Variants in RTCA observed in about 807,000 individuals in gnomAD.
RTCA encodes the protein RNA terminal phosphate cyclase domain 1.
Under a neutral mutation model 46.1 loss-of-function variants are expected in RTCA, and 37 were observed. The observed-to-expected ratio is 0.80, with a 90% CI of 0.62 to 1.06. RTCA has a LOEUF of 1.06. RTCA is among the 50% of genes least tolerant of loss of function. The probability of loss-of-function intolerance (pLI) is 0.00; values close to 1 mark genes in which losing one functional copy is unlikely to be tolerated. For synonymous variants in RTCA, 164 were observed against 158.3 expected (o/e 1.04, Z -0.27); for missense variants, 435 against 455.5 (o/e 0.95, Z 0.41).
chr1:100,267,651 GTTTTTT>G (rs60634058), intron 2 of RTCA: 43 of 811,518 alleles, frequency 5.3e-5, no homozygotes, highest in Non-Finnish European at 7.2e-5. Flanking sequence ...GTATGTTCTA[GTTTTTT>G]TTTTTTTTAT....
intron 3 of RTCA, 150 bp downstream of exon 3, chr1:100,268,445 G>T: frequency 1.5e-6 from 1 of 656,278 alleles, no homozygotes; most frequent in Non-Finnish European, 2.5e-6. Flanking sequence ...GCCCAGGCGG[G>T]GGTGCAGTGG....
intron 8 of RTCA, 100 bp from the exon 9 acceptor site, chr1:100,285,128 T>C (rs1467061144): frequency 8.3e-6 from 7 of 845,394 alleles, no homozygotes; most frequent in Non-Finnish European, 1.4e-5. Context: ...CTAAAAATTG[T>C]ATACCAGTGC....
At chr1:100,288,235 TCTC>T (rs778071497) in intron 10 of RTCA, among the ~76,000 whole-genome samples, 5 of 152,310 alleles carry the variant, frequency 3.3e-5, no homozygotes, top group Non-Finnish European at 5.9e-5. Flanking sequence ...GTTTTCCTCT[TCTC>T]CTAAATCGTT....
intron 2 of RTCA, chr1:100,267,941 A>C (rs1216851886): frequency 1.7e-6 from 1 of 596,640 alleles, no homozygotes; most frequent in Non-Finnish European, 2.9e-6. Flanking sequence ...GTCAGAAATA[A>C]CTGGTCTGCA....
intron 10 of RTCA, among the ~76,000 whole-genome samples, chr1:100,289,062 G>A (rs933258254): frequency 5.9e-5 from 9 of 151,666 alleles, no homozygotes; most frequent in African/African-American, 1.9e-4. Flanking sequence ...GGCCTTACGC[G>A]ATCTGCCTGC....
intron 3 of RTCA, among the ~76,000 whole-genome samples, chr1:100,269,417 G>C (rs1400661716): frequency 6.7e-6 from 1 of 148,414 alleles, no homozygotes; most frequent in African/African-American, 2.5e-5. Context: ...CATGATCATG[G>C]CTCACTGTAG....
rs779795748 is a variant in RTCA, at chr1:100,274,942, G to A, written c.592G>A (p.Val198Ile). The part of the protein sequence containing the change: ...CVTKIYGRAF[V>I]AGVLPFKVAK... ...GACTAAGATATATGGAAGAGCTTTC[G>A]TTGCTGGTGTTTTGCCATTTAAAGT... is the stretch of plus-strand genomic sequence containing the variant. Residue 198 changes from valine to isoleucine, a missense_variant, in exon 6 of 11, where the codon GTT (valine) becomes ATT (isoleucine). Val to Ile is a conservative substitution (Grantham distance 29). Coordinates refer to ENST00000370128, the MANE Select transcript of RTCA (RefSeq NM_003729.4). The A allele has an allele frequency of 1.1e-5, 18 of 1,608,158 alleles. No individual in the cohort carries two copies. Among genetic ancestry groups the A allele is most frequent in the African/African-American group, 9.4e-5 (7 of 74,856 alleles).
intron 3 of RTCA, among the ~76,000 whole-genome samples, chr1:100,268,843 T>C (rs903488816): frequency 6.6e-6 from 1 of 152,122 alleles, no homozygotes; most frequent in African/African-American, 2.4e-5. Context: ...AAACTACTTA[T>C]GAATATGATT....
chr1:100,283,813 C>T (rs747279312), intron 8 of RTCA, among the ~76,000 whole-genome samples: 3 of 148,516 alleles, frequency 2.0e-5, no homozygotes, highest in Non-Finnish European at 3.0e-5. Context: ...AGTTTCTGGG[C>T]ATGATGGCTC....
chr1:100,284,745 CT>C lies in RTCA; in HGVS notation c.800-479del, dbSNP rs1302049797. ...CTGCAGACTAATTGTAACACGCATGCTTTTCTAGGATTTGGGAGGGGAATTT... is the reference window on the plus strand; with the variant it reads ...CTGCAGACTAATTGTAACACGCATGCTTTCTAGGATTTGGGAGGGGAATTT... On this transcript the variant is annotated intron_variant, in intron 8 of 10. Transcript: ENST00000370128. 3.9e-5 allele frequency among the ~76,000 whole-genome samples: 6 copies of C among 152,130 alleles called. No individual in the cohort carries two copies. The East Asian group carries it at 1.2e-3, about 29-fold the overall frequency.
In RTCA at chr1:100,266,226, G is replaced by T. The variant is rs1557970871; in HGVS notation, c.-150G>T. ...GTTTCTGCTGACTCCAGTGTCCCGA[G>T]AGGCGCCGCTTCTTCCGCTTTCTCG... On this transcript the variant is annotated 5_prime_UTR_variant, in exon 1 of 11. Transcript: ENST00000370128. The T allele has an allele frequency of 1.1e-6, 1 of 903,920 alleles. No individual in the cohort carries two copies. Among genetic ancestry groups the T allele is most frequent in the Non-Finnish European group, 1.7e-6 (1 of 602,892 alleles). 56.0% of individuals were successfully genotyped at this position (903,920 alleles called of 1,614,324 possible). A position where few individuals can be genotyped will look rare whatever the true frequency, so the allele number is the denominator to read the frequency against.
intron 10 of RTCA, among the ~76,000 whole-genome samples, 182 bp from the exon 11 acceptor site, chr1:100,291,221 A>G (rs529376003): frequency 1.5e-3 from 223 of 152,294 alleles, no homozygotes; most frequent in Middle Eastern, 3.4e-3. Flanking sequence ...ATGGTTGTAC[A>G]ATGAAATGTG....
intron 4 of RTCA, among the ~76,000 whole-genome samples, chr1:100,273,167 G>A (rs59491881): frequency 0.029 from 4,431 of 151,970 alleles, 210 homozygotes; most frequent in African/African-American, 0.1. Flanking sequence ...AATTTTTTTC[G>A]TTAGATAGAC....
Position 100,292,540 on chromosome 1 carries a change from A to G in RTCA, c.*1036A>G, listed in dbSNP as rs1275537490. On this transcript the variant is annotated 3_prime_UTR_variant, in exon 11 of 11. Coordinates refer to ENST00000370128, the MANE Select transcript of RTCA (RefSeq NM_003729.4). ...ATGGTCTCCATCTCCTGACCTCGTG[A>G]TCCGCCCACCTTGGCCTCCCAAAGT... The G allele has an allele frequency of 6.6e-6, 1 of 152,028 alleles. No individual in the cohort carries two copies. Among genetic ancestry groups the G allele is most frequent in the Non-Finnish European group, 1.5e-5 (1 of 68,022 alleles). 9.4% of individuals were successfully genotyped at this position (152,028 alleles called of 1,614,324 possible). A position where few individuals can be genotyped will look rare whatever the true frequency, so the allele number is the denominator to read the frequency against.
intron 9 of RTCA, among the ~76,000 whole-genome samples, chr1:100,286,403 C>T (rs895597239): frequency 1.5e-5 from 2 of 133,902 alleles, no homozygotes; most frequent in Admixed American, 8.7e-5. Flanking sequence ...TGCAGTGAGC[C>T]GAGAATGCGC....
At position 100,266,543 on chromosome 1, in the gene RTCA, T is replaced by C; in HGVS notation, c.65T>C (p.Val22Ala). 1 of 1,613,434 alleles carries C rather than the reference T, an allele frequency of 6.2e-7. No individual in the cohort carries two copies. The highest frequency in any genetic ancestry group is 8.5e-7 in the Non-Finnish European group (1 of 1,179,478). Residue 22 changes from valine to alanine, a missense_variant, in exon 2 of 11, where the codon GTC becomes GCC. Physicochemically the swap from Val to Ala is moderately conservative, Grantham distance 64. Coordinates refer to ENST00000370128, the MANE Select transcript of RTCA (RefSeq NM_003729.4). ...IMEGGGQILR[V>A]STALSCLLGL... is the part of the protein sequence containing the mutation. ...TTGCAGGGCGGCCAGATCCTGAGAG[T>C]CTCTACGGCCTTGAGCTGTCTCCTA...
At chr1:100,290,581 C>A (rs1023378305) in intron 10 of RTCA, among the ~76,000 whole-genome samples, 8 of 152,110 alleles carry the variant, frequency 5.3e-5, no homozygotes, top group Non-Finnish European at 1.0e-4. Flanking sequence ...GCCTGGGCAA[C>A]AAAGTGAGAC....
At chr1:100,283,160 C>CTTTTTTTTTTTTT (rs71084815) in intron 8 of RTCA, among the ~76,000 whole-genome samples, 1 of 102,104 alleles carries the variant, frequency 9.8e-6, no homozygotes, top group African/African-American at 3.6e-5. Flanking sequence ...CCAAATATTC[C>CTTTTTTTTTTTTT]TTTTTTTTTT....
Position 100,280,439 on chromosome 1 carries a change from G to A in RTCA, c.799+3123G>A, listed in dbSNP as rs534538707. 2.6e-5 allele frequency among the ~76,000 whole-genome samples: 4 copies of A among 152,270 alleles called. No homozygotes were observed. In the South Asian group the frequency reaches 8.3e-4, roughly 32 times the overall value. On this transcript the variant is annotated intron_variant, in intron 8 of 10. Transcript: ENST00000370128. ...AAAGTAGTTTTTGGATAAAACACTT[G>A]TAGAGTACACAGTACTTATTTTTAG...
Sources: gnomAD v4.1 joint callset for allele counts (sites outside exome capture counted in the v4.1 genomes callset) on GRCh38, gnomAD v4.1.1 for gene constraint, MANE v1.5 for transcripts, NCBI Gene and HGNC (gene_info 2026-07-23, HGNC 2026-07-21) for gene names.